CBFA2T2: variants seen among roughly 807,000 people sequenced by gnomAD.
CBFA2T2 encodes the protein protein CBFA2T2.
Under a neutral mutation model 62.2 loss-of-function variants are expected in CBFA2T2, and 11 were observed. That is an observed-to-expected ratio of 0.18 (90% CI 0.11 to 0.29). The LOEUF is 0.29. CBFA2T2 is among the 10% of genes least tolerant of loss of function. The pLI is 1.00. For missense variants in CBFA2T2, 592 were observed against 774.1 expected (o/e 0.76, Z 2.79); for synonymous variants, 295 against 287.5 (o/e 1.03, Z -0.27).
chr20:33,577,324 A>T (rs537534536), intron 1 of CBFA2T2, among the ~76,000 whole-genome samples: 1 of 152,254 alleles, frequency 6.6e-6, no homozygotes, highest in African/African-American at 2.4e-5. Context: ...GAGAAGGGTG[A>T]TCTTGGTGTG....
At chr20:33,522,949 G>T (rs1000221722) in intron 1 of CBFA2T2, among the ~76,000 whole-genome samples, 1 of 152,184 alleles carries the variant, frequency 6.6e-6, no homozygotes. Context: ...CAATGGAAAG[G>T]TTCAAAAACT....
intron 1 of CBFA2T2, chr20:33,602,037 G>T (rs1320083702): frequency 1.3e-5 from 2 of 152,060 alleles, no homozygotes; most frequent in African/African-American, 4.8e-5. Context: ...CAAACTCTGG[G>T]CTTATCCTCG....
chr20:33,598,398 G>C (rs1429716768), intron 1 of CBFA2T2, among the ~76,000 whole-genome samples: 1 of 152,062 alleles, frequency 6.6e-6, no homozygotes, highest in Non-Finnish European at 1.5e-5. Context: ...CTTTCCCAGG[G>C]ATGTTCCATG....
chr20:33,624,756 T>C lies in CBFA2T2; in HGVS notation c.693-8T>C. The stretch of plus-strand genomic sequence containing the variant: ...AGGATCAGATACGCACTTCTGCTTC[T>C]TCTACAGGAGAGAAGAGAATAGTTT... On this transcript the variant is annotated splice_region_variant and splice_polypyrimidine_tract_variant and intron_variant, in intron 5 of 10. Transcript: ENST00000342704. 4 of 1,613,820 alleles carry C rather than the reference T, an allele frequency of 2.5e-6. No homozygotes were observed. Among genetic ancestry groups the C allele is most frequent in the Non-Finnish European group, 3.4e-6 (4 of 1,179,794 alleles).
chr20:33,644,531 C>T lies in CBFA2T2; in HGVS notation c.1673C>T (p.Ser558Phe), dbSNP rs766632185. 2 of 1,613,948 alleles carry T rather than the reference C, an allele frequency of 1.2e-6. No homozygotes were observed. The highest frequency in any genetic ancestry group is 1.3e-5 in the African/African-American group (1 of 74,960). Residue 558 changes from serine (S) to phenylalanine (F), a missense_variant, in exon 11 of 11, where the codon TCT becomes TTT. By Grantham distance (155) the Ser-to-Phe change is radical. Transcript: ENST00000342704. ...CTGCTTCCTGTAGGCAGGGGCTCCT[C>T]TGCCAGGTCCGCCGACTGCAGCGTG... Reference protein sequence around the residue: ...RPLLPVGRGSSARSADCSVPS... With the variant: ...RPLLPVGRGSFARSADCSVPS...
chr20:33,540,898 A>G (rs754188917), intron 1 of CBFA2T2, among the ~76,000 whole-genome samples: 2 of 152,198 alleles, frequency 1.3e-5, no homozygotes, highest in Admixed American at 6.5e-5. Context: ...TGTGCTCTAC[A>G]GTGGTGCTAT....
chr20:33,506,112 A>G (rs2011398380), intron 1 of CBFA2T2, among the ~76,000 whole-genome samples: 1 of 152,096 alleles, frequency 6.6e-6, no homozygotes, highest in South Asian at 2.1e-4. Flanking sequence ...TAAAAAAAGA[A>G]AAGAAATAGA....
intron 1 of CBFA2T2, among the ~76,000 whole-genome samples, chr20:33,515,265 T>A (rs1034499109): frequency 6.9e-6 from 1 of 145,418 alleles, no homozygotes; most frequent in African/African-American, 2.5e-5. Flanking sequence ...GCAGGAGAAT[T>A]GCTTGAAACC....
chr20:33,625,978 T>C (rs1401043061), intron 6 of CBFA2T2, among the ~76,000 whole-genome samples: 2 of 152,172 alleles, frequency 1.3e-5, no homozygotes, highest in Non-Finnish European at 2.9e-5. Context: ...GGTGGGCACC[T>C]GTAGTCCCAG....
intron 1 of CBFA2T2, among the ~76,000 whole-genome samples, chr20:33,538,037 A>G (rs1243605405): frequency 1.3e-5 from 2 of 150,152 alleles, no homozygotes; most frequent in Non-Finnish European, 3.0e-5. Flanking sequence ...TTTGATTGGG[A>G]CTACATTGAA....
Position 33,644,509 on chromosome 20 carries a change from C to T in CBFA2T2, c.1651C>T (p.Leu551Phe), listed in dbSNP as rs2016980721. The T allele has an allele frequency of 1.4e-5, 22 of 1,614,016 alleles. No homozygotes were observed. The highest frequency in any genetic ancestry group is 1.9e-5 in the Non-Finnish European group (22 of 1,180,042). The stretch of plus-strand genomic sequence containing the variant: ...CCCCCACGGCCAGGGCCGGCCGCTG[C>T]TTCCTGTAGGCAGGGGCTCCTCTGC... ...QSPHGQGRPL[L>F]PVGRGSSARS... Residue 551 changes from leucine to phenylalanine, a missense_variant, in exon 11 of 11, where the codon CTT (leucine) becomes TTT (phenylalanine). Leu to Phe is a conservative substitution (Grantham distance 22). Around this residue, in one of 3 missense-constraint regions of CBFA2T2, gnomAD observed 85 missense variants for 99.0 expected, o/e 0.86. Coordinates refer to ENST00000342704, the MANE Select transcript of CBFA2T2 (RefSeq NM_001032999.3).
intron 1 of CBFA2T2, among the ~76,000 whole-genome samples, chr20:33,543,061 T>C (rs2012447881): frequency 2.0e-5 from 3 of 152,154 alleles, no homozygotes; most frequent in Non-Finnish European, 4.4e-5. Context: ...TCGCCCAGGC[T>C]GGAGTGCAGT....
intron 1 of CBFA2T2, among the ~76,000 whole-genome samples, chr20:33,566,655 TG>T (rs1417521158): frequency 2.6e-5 from 4 of 151,492 alleles, no homozygotes; most frequent in Admixed American, 6.6e-5. Context: ...TAGCACCAAC[TG>T]TAGGAATCAG....
Position 33,648,384 on chromosome 20 carries a change from CAA to C in CBFA2T2, c.*3740_*3741del, listed in dbSNP as rs1182009440. On this transcript the variant is annotated 3_prime_UTR_variant, in exon 11 of 11. Coordinates refer to ENST00000342704, the MANE Select transcript of CBFA2T2 (RefSeq NM_001032999.3). ...AATGATTGCAGGGACCAGAGAAGAC[CAA>C]AGATGCCAGATGTCCCCAGAGTTTC... 1.3e-5 allele frequency: 2 copies of C among 152,306 alleles called. No individual in the cohort carries two copies. Among genetic ancestry groups the C allele is most frequent in the African/African-American group, 4.8e-5 (2 of 41,416 alleles). 9.4% of individuals were successfully genotyped at this position (152,306 alleles called of 1,614,324 possible).
intron 1 of CBFA2T2, among the ~76,000 whole-genome samples, chr20:33,585,849 T>C (rs1444881102): frequency 6.6e-6 from 1 of 152,260 alleles, no homozygotes; most frequent in Non-Finnish European, 1.5e-5. Flanking sequence ...CATTTTGTTA[T>C]GCTTTGGCAG....
chr20:33,619,496 C>A, intron 3 of CBFA2T2, 21 bp from the exon 4 acceptor site: 3 of 1,459,442 alleles, frequency 2.1e-6, no homozygotes, highest in East Asian at 2.5e-5. Context: ...GGAAGTTGAA[C>A]AAGGTTATTT....
At chr20:33,592,386 A>G (rs2014692188) in intron 1 of CBFA2T2, among the ~76,000 whole-genome samples, 1 of 147,446 alleles carries the variant, frequency 6.8e-6, no homozygotes, top group African/African-American at 2.5e-5. Flanking sequence ...ATATATATAT[A>G]TATATAATTA....
At chr20:33,604,509 G>T (rs568292888) in intron 1 of CBFA2T2, among the ~76,000 whole-genome samples, 1 of 152,326 alleles carries the variant, frequency 6.6e-6, no homozygotes, top group African/African-American at 2.4e-5. Context: ...AGAAACACTA[G>T]TGTTGTAGGT....
Position 33,510,351 on chromosome 20 carries a change from C to T in CBFA2T2, c.34+20050C>T, listed in dbSNP as rs371710986. Among the ~76,000 whole-genome samples, 14 of 152,056 alleles carry T rather than the reference C, an allele frequency of 9.2e-5. No individual in the cohort carries two copies. In the East Asian group the frequency reaches 2.3e-3, roughly 25 times the overall value. ...TCAGCCTCCCGAGTAGCTGGGACTA[C>T]AGGTGCCCTCCACCACGCCCGGCTA... On this transcript the variant is annotated intron_variant, in intron 1 of 10. Coordinates refer to ENST00000342704, the MANE Select transcript of CBFA2T2 (RefSeq NM_001032999.3).
Sources: gnomAD v4.1 joint callset for allele counts (sites outside exome capture counted in the v4.1 genomes callset) on GRCh38, gnomAD v4.1.1 for gene constraint, gnomAD v4.1.1 regional missense constraint, MANE v1.5 for transcripts, NCBI Gene and HGNC (gene_info 2026-07-23, HGNC 2026-07-21) for gene names.